The following GLIS3 variants were observed in gnomAD, a reference collection of about 807,000 sequenced individuals.
GLIS3 encodes the protein zinc finger protein GLIS3.
In GLIS3, 53 loss-of-function variants were observed where a neutral mutation model predicts 78.6. The observed-to-expected ratio is 0.67, with a 90% CI of 0.54 to 0.85. GLIS3 has a LOEUF of 0.85. GLIS3 is among the 40% of genes least tolerant of loss of function. The pLI is 0.00. For synonymous variants in GLIS3, 684 were observed against 509.9 expected, an observed-to-expected ratio of 1.34 and a Z score of -4.60; for missense variants, 1,703 against 1,231.1, an observed-to-expected ratio of 1.38 and a Z score of -5.74.
the GLIS3 span, among the ~76,000 whole-genome samples, chr9:4,381,021 G>T: frequency 5.3e-5 from 8 of 152,278 alleles, no homozygotes; most frequent in Non-Finnish European, 8.8e-5. Context: ...AGTAGTCTCA[G>T]GGATGGTCAA....
intron 2 of GLIS3, among the ~76,000 whole-genome samples, chr9:4,278,706 T>C (rs1188902688): frequency 6.6e-6 from 1 of 152,226 alleles, no homozygotes; most frequent in Non-Finnish European, 1.5e-5. Flanking sequence ...GTATCATCAA[T>C]GGATGCTATG....
exon 1 of GLIS3, chr9:4,348,269 T>C (rs1456434065): frequency 6.6e-6 from 1 of 152,242 alleles, no homozygotes; most frequent in African/African-American, 2.4e-5. Context: ...CATGCTAATA[T>C]GGTGTCTTCA....
intron 4 of GLIS3, among the ~76,000 whole-genome samples, chr9:4,051,075 T>C (rs1265695064): frequency 6.6e-6 from 1 of 152,220 alleles, no homozygotes; most frequent in East Asian, 1.9e-4. Context: ...AAGCATCCAT[T>C]GATAAGCTCC....
chr9:3,826,528 T>C lies in GLIS3; in HGVS notation c.*1744A>G, dbSNP rs886063946. 2.6e-5 allele frequency: 4 copies of C among 152,194 alleles called. No homozygotes were observed. The South Asian group carries it at 8.3e-4, about 32-fold the overall frequency. The allele number at this position is 152,194 out of a possible 1,614,324, so 9.4% of individuals were successfully genotyped here. On this transcript the variant is annotated 3_prime_UTR_variant, in exon 11 of 11. Coordinates refer to ENST00000381971, the MANE Select transcript of GLIS3 (RefSeq NM_001042413.2). ...TTGACGTCTACGTGAAAGCTTTTCT[T>C]AGAATACAGCCCACTACTCAGAGAA...
chr9:3,854,748 G>A (rs1224088294), intron 9 of GLIS3, among the ~76,000 whole-genome samples: 1 of 150,604 alleles, frequency 6.6e-6, no homozygotes, highest in Non-Finnish European at 1.5e-5. Context: ...GTTTTACCAT[G>A]TTAGCCAGGA....
chr9:4,298,207 C>T (rs1816759249), intron 1 of GLIS3, among the ~76,000 whole-genome samples: 2 of 152,170 alleles, frequency 1.3e-5, no homozygotes, highest in Admixed American at 6.5e-5. Context: ...AGCCTGTAGC[C>T]CGGGGGCGCC....
chr9:4,472,620 G>A, the GLIS3 span, among the ~76,000 whole-genome samples: 16 of 151,482 alleles, frequency 1.1e-4, no homozygotes, highest in Non-Finnish European at 2.1e-4. Flanking sequence ...GGTGTGGGGA[G>A]GGGGGAGGGA....
At chr9:3,879,277 T>G in intron 8 of GLIS3, 150 bp downstream of exon 8, 1 of 741,466 alleles carries the variant, frequency 1.3e-6, no homozygotes, top group Non-Finnish European at 2.4e-6. Flanking sequence ...TTGGTCCACG[T>G]GCTTTGTGTA....
intron 2 of GLIS3, among the ~76,000 whole-genome samples, chr9:4,126,346 C>T (rs1281380394): frequency 6.6e-6 from 1 of 152,154 alleles, no homozygotes; most frequent in African/African-American, 2.4e-5. Flanking sequence ...TGGAAAAAAC[C>T]TGTTTAACTG....
upstream of GLIS3, among the ~76,000 whole-genome samples, chr9:4,302,894 C>T (rs1817127440): frequency 6.6e-6 from 1 of 152,102 alleles, no homozygotes; most frequent in African/African-American, 2.4e-5. Flanking sequence ...TTGAGCTGGA[C>T]TTCAAAGAAT....
intron 4 of GLIS3, among the ~76,000 whole-genome samples, chr9:4,091,541 A>G (rs1488804738): frequency 6.6e-6 from 1 of 152,114 alleles, no homozygotes; most frequent in African/African-American, 2.4e-5. Context: ...AAACACACAC[A>G]CACACAACCA....
At chr9:4,119,477 A>C (rs1056917071) in intron 3 of GLIS3, among the ~76,000 whole-genome samples, 1 of 152,250 alleles carries the variant, frequency 6.6e-6, no homozygotes, top group African/African-American at 2.4e-5. Context: ...AAAGATAGTA[A>C]TTCACATTGC....
chr9:4,296,337 G>A (rs1042017724), intron 1 of GLIS3, among the ~76,000 whole-genome samples: 1 of 151,112 alleles, frequency 6.6e-6, no homozygotes, highest in African/African-American at 2.4e-5. Flanking sequence ...CTCTCTTCTG[G>A]AATGGCAGAA....
intron 2 of GLIS3, among the ~76,000 whole-genome samples, chr9:4,208,802 G>A (rs923242613): frequency 2.6e-5 from 4 of 152,166 alleles, no homozygotes; most frequent in Admixed American, 2.0e-4. Context: ...AACTCAATGG[G>A]TGGCTGGCTC....
At chr9:3,954,819 G>A (rs1201773156) in intron 4 of GLIS3, among the ~76,000 whole-genome samples, 1 of 152,116 alleles carries the variant, frequency 6.6e-6, no homozygotes, top group Admixed American at 6.5e-5. Flanking sequence ...CGCTGGGATG[G>A]GTAATGAGAA....
At chr9:3,954,446 G>A (rs189374844) in intron 4 of GLIS3, among the ~76,000 whole-genome samples, 5 of 152,358 alleles carry the variant, frequency 3.3e-5, no homozygotes, top group Admixed American at 2.6e-4. Flanking sequence ...TAACAGAATA[G>A]CTGCCCCGTG....
chr9:4,232,522 A>T (rs1247926317), intron 2 of GLIS3, among the ~76,000 whole-genome samples: 1 of 151,992 alleles, frequency 6.6e-6, no homozygotes, highest in Non-Finnish European at 1.5e-5. Context: ...CAATATGATA[A>T]CTCCTCTGAA....
the GLIS3 span, among the ~76,000 whole-genome samples, chr9:4,369,730 G>A: frequency 5.9e-5 from 9 of 152,278 alleles, no homozygotes; most frequent in Non-Finnish European, 1.0e-4. Flanking sequence ...GAAGATCACT[G>A]ACTATCAGAA....
In GLIS3 at chr9:4,218,050, G is replaced by A. The variant is rs117354950; in HGVS notation, c.388+67988C>T. Among the ~76,000 whole-genome samples, 35 of 152,288 alleles carry A rather than the reference G, an allele frequency of 2.3e-4. No homozygotes were observed. The East Asian group carries it at 6.7e-3, about 29-fold the overall frequency. On this transcript the variant is annotated intron_variant, in intron 2 of 10. Coordinates refer to ENST00000381971, the MANE Select transcript of GLIS3 (RefSeq NM_001042413.2). ...TGCTACAAAAGAGATAGCATAATAT[G>A]TCCAAGTGGATCTCCTTATTCACAA...
Sources: allele counts gnomAD v4.1 joint callset (sites outside exome capture counted in the v4.1 genomes callset), GRCh38; gene constraint gnomAD v4.1.1; transcripts MANE v1.5; gene names NCBI Gene and HGNC (gene_info 2026-07-23, HGNC 2026-07-21).